The following ZMYM2 variants were observed in gnomAD, a reference collection of about 807,000 sequenced individuals.
The protein encoded by ZMYM2 is zinc finger MYM-type protein 2.
In ZMYM2, 56 loss-of-function variants were observed where a neutral mutation model predicts 162.8. The ratio of observed to expected loss-of-function variants is 0.34; its 90% CI spans 0.28 to 0.43. The LOEUF (loss-of-function observed/expected upper bound fraction) is 0.43, where lower values mean the gene tolerates loss of function less well. Ranked by LOEUF, ZMYM2 falls within the 20% of genes least tolerant of loss-of-function variation. The pLI, the probability that ZMYM2 is intolerant of heterozygous loss-of-function variation, is 1.00. For synonymous variants in ZMYM2, 510 were observed against 541.6 expected (o/e 0.94, Z 0.81); for missense variants, 1,275 against 1,621.8 (o/e 0.79, Z 3.67).
At chr13:19,946,697 CTAACT>C in the ZMYM2 span, among the ~76,000 whole-genome samples, 1 of 152,170 alleles carries the variant, frequency 6.6e-6, no homozygotes, top group Admixed American at 6.5e-5. Flanking sequence ...ACTGTTTGGC[CTAACT>C]TAGACTCCCA....
chr13:20,073,644 G>C (rs974034665), intron 21 of ZMYM2, among the ~76,000 whole-genome samples: 1 of 152,050 alleles, frequency 6.6e-6, no homozygotes, highest in Non-Finnish European at 1.5e-5. Flanking sequence ...CTTACATCAC[G>C]AATTTTTATA....
chr13:19,965,218 AGCC>A (rs1346506119), intron 2 of ZMYM2: 1 of 1,284,364 alleles, frequency 7.8e-7, no homozygotes, highest in African/African-American at 1.5e-5. Context: ...TTTACTTTAT[AGCC>A]ATACATGTGT....
At chr13:19,954,029 C>T (rs950529977), upstream of ZMYM2, among the ~76,000 whole-genome samples, 28 of 151,234 alleles carry the variant, frequency 1.9e-4, no homozygotes, top group African/African-American at 3.2e-4. Context: ...GCGTTTGTAC[C>T]GGGTGCTGAT....
chr13:20,081,409 C>T (rs1957898708), intron 21 of ZMYM2, among the ~76,000 whole-genome samples: 3 of 152,256 alleles, frequency 2.0e-5, no homozygotes, highest in South Asian at 2.1e-4. Context: ...TCTGTAACCA[C>T]CCTCACTGTT....
At chr13:20,036,597 T>G (rs1402690221) in intron 11 of ZMYM2, 140 bp from the exon 12 acceptor site, 1 of 529,674 alleles carries the variant, frequency 1.9e-6, no homozygotes, top group Non-Finnish European at 3.0e-6. Flanking sequence ...TTCTAATTTT[T>G]ATAGGTTGAT....
At chr13:19,970,094 C>G in intron 2 of ZMYM2, 16 of 983,506 alleles carry the variant, frequency 1.6e-5, no homozygotes, top group Non-Finnish European at 1.9e-5. Flanking sequence ...TAAAAGCCCT[C>G]TACTCCATCT....
the ZMYM2 span, among the ~76,000 whole-genome samples, chr13:19,884,100 C>G: frequency 3.3e-5 from 5 of 152,156 alleles, no homozygotes; most frequent in African/African-American, 1.2e-4. Context: ...GCAGGGTAAA[C>G]TGGCACAAGC....
Position 20,052,920 on chromosome 13 carries a change from T to C in ZMYM2, c.2493+609T>C, listed in dbSNP as rs373278601. On this transcript the variant is annotated intron_variant, in intron 14 of 24. Transcript: ENST00000610343. ...TTTTTCAAGTAGAGATCTGAAGATA[T>C]ATGTTGGTGGCTAGAATTTTTTGAG... Among the ~76,000 whole-genome samples, 171 of 152,348 alleles carry C rather than the reference T, an allele frequency of 1.1e-3. 1 individual carries two copies. In the Middle Eastern group the frequency reaches 0.017, roughly 15 times the overall value.
intron 12 of ZMYM2, among the ~76,000 whole-genome samples, chr13:20,045,128 C>A (rs1335043736): frequency 2.2e-5 from 3 of 134,060 alleles, no homozygotes; most frequent in South Asian, 4.9e-4. Context: ...TCTAAAGAAA[C>A]AAATGAAATA....
the ZMYM2 span, among the ~76,000 whole-genome samples, chr13:19,913,286 C>T: frequency 3.9e-5 from 6 of 152,114 alleles, no homozygotes; most frequent in African/African-American, 7.2e-5. Flanking sequence ...TCCTTAACCA[C>T]GGGCCACCAA....
At chr13:19,885,925 A>ATG in the ZMYM2 span, among the ~76,000 whole-genome samples, 2 of 23,826 alleles carry the variant, frequency 8.4e-5, no homozygotes, top group African/African-American at 2.0e-4. Context: ...ACACATATAT[A>ATG]TGTGTATACA....
intron 15 of ZMYM2, 62 bp downstream of exon 15, chr13:20,058,766 A>C (rs1956003605): frequency 1.3e-6 from 2 of 1,586,768 alleles, no homozygotes; most frequent in African/African-American, 1.3e-5. Flanking sequence ...AATGAAATAC[A>C]TGCTTTTCTT....
At chr13:20,016,287 C>T (rs998807147) in intron 6 of ZMYM2, among the ~76,000 whole-genome samples, 9 of 152,058 alleles carry the variant, frequency 5.9e-5, no homozygotes, top group African/African-American at 1.9e-4. Flanking sequence ...TCCTATATAT[C>T]TGTTCCCTCT....
intron 6 of ZMYM2, among the ~76,000 whole-genome samples, chr13:20,017,038 T>G (rs531587370): frequency 6.6e-6 from 1 of 152,346 alleles, no homozygotes; most frequent in African/African-American, 2.4e-5. Flanking sequence ...TTACTGCTCC[T>G]CAGGTTCTGT....
chr13:19,954,352 G>A (rs1222146615), upstream of ZMYM2, among the ~76,000 whole-genome samples: 1 of 151,684 alleles, frequency 6.6e-6, no homozygotes, highest in Non-Finnish European at 1.5e-5. Flanking sequence ...TCCTGACCTT[G>A]TGATCCGCCC....
rs1014902081 is a variant in ZMYM2 at position 19,994,498 on chromosome 13, A to AT, written c.847+588dup. 1.4e-4 allele frequency among the ~76,000 whole-genome samples: 21 copies of AT among 151,636 alleles called. No individual in the cohort carries two copies. In the East Asian group the frequency reaches 1.5e-3, roughly 11 times the overall value. On this transcript the variant is annotated intron_variant, in intron 3 of 24. Coordinates refer to ENST00000610343, the MANE Select transcript of ZMYM2 (RefSeq NM_197968.4). ...AATATTGTACAGTAGTTGCATTTAGATTTTTTTTTGAGATGGAGTCTTGCT... is the reference window on the plus strand; with the variant it reads ...AATATTGTACAGTAGTTGCATTTAGATTTTTTTTTTGAGATGGAGTCTTGCT...
chr13:19,951,616 C>T, the ZMYM2 span, among the ~76,000 whole-genome samples: 10 of 150,274 alleles, frequency 6.7e-5, no homozygotes, highest in Non-Finnish European at 1.5e-4. Flanking sequence ...GCAGGAGGAT[C>T]GCTTGAACCT....
chr13:19,934,202 C>G, the ZMYM2 span, among the ~76,000 whole-genome samples: 1 of 152,086 alleles, frequency 6.6e-6, no homozygotes, highest in South Asian at 2.1e-4. Flanking sequence ...GATCTCTTGC[C>G]CAGGCTGGAG....
chr13:20,062,996 G>GA (rs755186362), intron 18 of ZMYM2, 25 bp downstream of exon 18: 19 of 1,582,774 alleles, frequency 1.2e-5, no homozygotes, highest in Non-Finnish European at 1.7e-6. Context: ...TATGACTATG[G>GA]AATTTAGTTA....
Sources: gnomAD v4.1 joint callset for allele counts (sites outside exome capture counted in the v4.1 genomes callset) on GRCh38, gnomAD v4.1.1 for gene constraint, MANE v1.5 for transcripts, NCBI Gene and HGNC (gene_info 2026-07-23, HGNC 2026-07-21) for gene names.